Variants in KCTD8 observed in about 807,000 individuals in gnomAD.
KCTD8 encodes BTB/POZ domain-containing protein KCTD8.
A neutral mutation model predicts 31.5 loss-of-function variants in KCTD8; 27 were observed. The observed-to-expected ratio is 0.86, with a 90% CI of 0.63 to 1.18. KCTD8 has a LOEUF of 1.18. Ranked by LOEUF, KCTD8 falls within the 50% of genes most tolerant of loss-of-function variation. The probability of loss-of-function intolerance (pLI) is 0.00; values close to 1 mark genes in which losing one functional copy is unlikely to be tolerated. For missense variants in KCTD8, 658 were observed against 647.7 expected, an observed-to-expected ratio of 1.02 and a Z score of -0.17; for synonymous variants, 290 against 280.0, an observed-to-expected ratio of 1.04 and a Z score of -0.36.
chr4:44,282,848 C>G (rs1192783979), intron 1 of KCTD8, among the ~76,000 whole-genome samples: 2 of 151,918 alleles, frequency 1.3e-5, no homozygotes, highest in Non-Finnish European at 2.9e-5. Context: ...GGTGAGAAAG[C>G]TGCAGAAGAA....
chr4:44,213,722 C>T (rs1049376114), intron 1 of KCTD8, among the ~76,000 whole-genome samples: 18 of 152,172 alleles, frequency 1.2e-4, no homozygotes, highest in African/African-American at 4.1e-4. Flanking sequence ...ATTTTTTGCA[C>T]CAACACTTGT....
Position 44,448,457 on chromosome 4 carries a change from A to T in KCTD8, c.67T>A (p.Ser23Thr). Residue 23 changes from serine (S) to threonine (T), a missense_variant, in exon 1 of 2, where the codon TCC becomes ACC. Physicochemically the swap from Ser to Thr is moderately conservative, Grantham distance 58 (BLOSUM62 1). Transcript: ENST00000360029. The surrounding 1 kb of genome is among the most constrained non-coding windows in gnomAD (Gnocchi z 4.1). ...ILPISEMVSS[S>T]SSPGASAAAA... ...GCGGCCGACGCGCCGGGCGAGCTGG[A>T]CGAGGAAACCATCTCGCTAATGGGC... 1.3e-6 allele frequency: 2 copies of T among 1,544,990 alleles called. No individual in the cohort carries two copies. The highest frequency in any genetic ancestry group is 1.3e-5 in the South Asian group (1 of 79,140).
intron 1 of KCTD8, among the ~76,000 whole-genome samples, chr4:44,245,524 G>A (rs189052429): frequency 8.0e-4 from 121 of 151,854 alleles, no homozygotes; most frequent in African/African-American, 2.7e-3. Flanking sequence ...AGCATTAATG[G>A]TGTATAAATT....
At chr4:44,309,413 G>A (rs1414103014) in intron 1 of KCTD8, among the ~76,000 whole-genome samples, 3 of 151,998 alleles carry the variant, frequency 2.0e-5, no homozygotes, top group Non-Finnish European at 2.9e-5. Flanking sequence ...ATTTAAAACT[G>A]TCTTAGATTC....
chr4:44,349,855 A>T (rs1298817491), intron 1 of KCTD8, among the ~76,000 whole-genome samples: 1 of 152,146 alleles, frequency 6.6e-6, no homozygotes, highest in Non-Finnish European at 1.5e-5. Context: ...CAAGTTAAAA[A>T]TTTTTAAATT....
intron 1 of KCTD8, among the ~76,000 whole-genome samples, chr4:44,398,940 C>T (rs1577654764): frequency 6.6e-6 from 1 of 152,250 alleles, no homozygotes; most frequent in African/African-American, 2.4e-5. Context: ...TCCTGGAGTA[C>T]ATCATTTTAA....
intron 1 of KCTD8, among the ~76,000 whole-genome samples, chr4:44,292,543 G>A (rs747471536): frequency 6.6e-6 from 1 of 151,986 alleles, no homozygotes. Context: ...CTGAGTGATG[G>A]GATCATCTGT....
intron 1 of KCTD8, among the ~76,000 whole-genome samples, chr4:44,412,053 TA>T (rs1332184727): frequency 1.3e-5 from 2 of 152,086 alleles, no homozygotes; most frequent in Non-Finnish European, 2.9e-5. Context: ...AAACCTAGAA[TA>T]AAATCTAGAA....
chr4:44,181,506 C>G (rs1009621788), intron 1 of KCTD8, among the ~76,000 whole-genome samples: 1 of 152,210 alleles, frequency 6.6e-6, no homozygotes, highest in African/African-American at 2.4e-5. Context: ...CCTCGGCCCC[C>G]CGAGGCGCCG....
At chr4:44,436,012 C>T (rs980909394) in intron 1 of KCTD8, among the ~76,000 whole-genome samples, 2 of 151,958 alleles carry the variant, frequency 1.3e-5, no homozygotes, top group South Asian at 4.1e-4. Flanking sequence ...GTTTTGTATC[C>T]CTTATGGTAA....
chr4:44,326,824 T>C (rs1320817245), intron 1 of KCTD8, among the ~76,000 whole-genome samples: 2 of 151,890 alleles, frequency 1.3e-5, no homozygotes, highest in African/African-American at 2.4e-5. Flanking sequence ...TCCAGAAAGA[T>C]TTCCATGCAT....
chr4:44,225,516 G>T (rs915941640), intron 1 of KCTD8, among the ~76,000 whole-genome samples: 1 of 152,006 alleles, frequency 6.6e-6, no homozygotes, highest in Non-Finnish European at 1.5e-5. Context: ...TTTCATATCG[G>T]ATTTGGTACT....
At chr4:44,195,779 G>A (rs1305301840) in intron 1 of KCTD8, among the ~76,000 whole-genome samples, 2 of 152,158 alleles carry the variant, frequency 1.3e-5, no homozygotes, top group Admixed American at 1.3e-4. Context: ...TACAACAGGG[G>A]AGGTAAGAGG....
intron 1 of KCTD8, among the ~76,000 whole-genome samples, chr4:44,397,352 A>T (rs1720532489): frequency 6.6e-6 from 1 of 152,162 alleles, no homozygotes; most frequent in African/African-American, 2.4e-5. Flanking sequence ...ATACGTATAC[A>T]TTATGTTTAT....
At chr4:44,183,743 G>T (rs2109331590) in intron 1 of KCTD8, among the ~76,000 whole-genome samples, 1 of 151,790 alleles carries the variant, frequency 6.6e-6, no homozygotes, top group East Asian at 1.9e-4. Context: ...GTACACAGCT[G>T]CACATTTGAA....
chr4:44,368,287 G>A lies in KCTD8; in HGVS notation c.961+79276C>T, dbSNP rs952219471. On this transcript the variant is annotated intron_variant, in intron 1 of 1. Coordinates refer to ENST00000360029, the MANE Select transcript of KCTD8 (RefSeq NM_198353.3). The stretch of plus-strand genomic sequence containing the variant: ...AGCTACTTGGGAGTCTGAGGCAGGA[G>A]AATTGCTTGAACCCGAAAGGTGGAG... Among the ~76,000 whole-genome samples, 4 of 152,298 alleles carry A rather than the reference G, an allele frequency of 2.6e-5. No homozygotes were observed. In the South Asian group the frequency reaches 6.2e-4, roughly 24 times the overall value.
At chr4:44,186,077 C>A (rs963169785) in intron 1 of KCTD8, among the ~76,000 whole-genome samples, 1 of 152,226 alleles carries the variant, frequency 6.6e-6, no homozygotes, top group Admixed American at 6.5e-5. Context: ...GCCTGTCACG[C>A]CCCAATCCTG....
chr4:44,300,902 T>A (rs1291576272), intron 1 of KCTD8, among the ~76,000 whole-genome samples: 1 of 129,872 alleles, frequency 7.7e-6, no homozygotes, highest in Non-Finnish European at 1.6e-5. Flanking sequence ...GAGTGTGATG[T>A]TCCCCTTCCT....
At chr4:44,294,002 G>A (rs1446552414) in intron 1 of KCTD8, among the ~76,000 whole-genome samples, 1 of 152,054 alleles carries the variant, frequency 6.6e-6, no homozygotes, top group Non-Finnish European at 1.5e-5. Context: ...TTAATGCAAT[G>A]CATGCCATTT....
Sources: allele counts gnomAD v4.1 joint callset (sites outside exome capture counted in the v4.1 genomes callset), GRCh38; gene constraint gnomAD v4.1.1; non-coding constraint Gnocchi (gnomAD v3.1); transcripts MANE v1.5; gene names NCBI Gene and HGNC (gene_info 2026-07-23, HGNC 2026-07-21).